The following PACSIN2 variants were observed in gnomAD, a reference collection of about 807,000 sequenced individuals.
PACSIN2 encodes the protein protein kinase C and casein kinase substrate in neurons 2, also known as protein kinase C and casein kinase substrate in neurons protein 2.
Under a neutral mutation model 63.8 loss-of-function variants are expected in PACSIN2, and 25 were observed. The ratio of observed to expected loss-of-function variants is 0.39; its 90% CI spans 0.29 to 0.55. PACSIN2 has a LOEUF of 0.55. Ranked by LOEUF, PACSIN2 falls within the 20% of genes least tolerant of loss-of-function variation. The pLI, the probability that PACSIN2 is intolerant of heterozygous loss-of-function variation, is 0.62. For synonymous variants in PACSIN2, 255 were observed against 256.2 expected (o/e 1.00, Z 0.05); for missense variants, 518 against 646.9 (o/e 0.80, Z 2.16).
At chr22:42,987,434 C>T (rs1443429783) in intron 1 of PACSIN2, among the ~76,000 whole-genome samples, 1 of 142,276 alleles carries the variant, frequency 7.0e-6, no homozygotes, top group East Asian at 2.2e-4. Flanking sequence ...GACACCCCAC[C>T]CTGAGTCCAG....
Position 42,981,352 on chromosome 22 carries a change from T to TG in PACSIN2, c.-78+33668dup, listed in dbSNP as rs1226747868. On this transcript the variant is annotated intron_variant, in intron 1 of 10. Coordinates refer to ENST00000263246, the MANE Select transcript of PACSIN2 (RefSeq NM_001184970.3). Reference sequence around the variant, plus strand: ...GCAGCCACCCCGTCCGGGAGGGAGGTGGGGGGGGTCAGCCCCCCGCCCGAC... The same window carrying TG: ...GCAGCCACCCCGTCCGGGAGGGAGGTGGGGGGGGGTCAGCCCCCCGCCCGAC... 6.4e-4 allele frequency among the ~76,000 whole-genome samples: 84 copies of TG among 130,720 alleles called. 2 individuals are homozygous for TG. Among genetic ancestry groups the TG allele is most frequent in the African/African-American group, 1.4e-3 (47 of 32,898 alleles). 85.8% of individuals were successfully genotyped at this position (130,720 alleles called of 152,430 possible).
chr22:43,002,163 T>C (rs1266098642), intron 1 of PACSIN2: 1 of 152,168 alleles, frequency 6.6e-6, no homozygotes, highest in Non-Finnish European at 1.5e-5. Context: ...GGAACCCCCA[T>C]GAGAGCAGCA....
At chr22:42,894,250 G>T (rs78108805) in intron 2 of PACSIN2, among the ~76,000 whole-genome samples, 3 of 148,920 alleles carry the variant, frequency 2.0e-5, no homozygotes, top group African/African-American at 4.9e-5. Flanking sequence ...GAAGGCAATT[G>T]TTTTTTTTTT....
intron 6 of PACSIN2, among the ~76,000 whole-genome samples, chr22:42,882,764 C>T (rs528294326): frequency 2.2e-4 from 34 of 152,322 alleles, no homozygotes; most frequent in Non-Finnish European, 4.4e-4. Flanking sequence ...ACCACCAAGA[C>T]GGGGTGGGGG....
intron 1 of PACSIN2, among the ~76,000 whole-genome samples, chr22:42,981,571 G>T: frequency 8.2e-6 from 1 of 122,072 alleles, no homozygotes; most frequent in Non-Finnish European, 1.7e-5. Context: ...GGAGGTGAGG[G>T]GCGCCTCTGC....
intron 2 of PACSIN2, among the ~76,000 whole-genome samples, chr22:42,902,592 C>T (rs181990223): frequency 3.9e-5 from 6 of 152,026 alleles, no homozygotes; most frequent in Admixed American, 3.9e-4. Flanking sequence ...AACTCATGAT[C>T]CTTTATCTGT....
chr22:42,917,980 C>T (rs1052917099), intron 1 of PACSIN2, among the ~76,000 whole-genome samples: 2 of 152,068 alleles, frequency 1.3e-5, no homozygotes, highest in African/African-American at 2.4e-5. Context: ...ACACTCAGTC[C>T]CAGGGCAACT....
intron 4 of PACSIN2, among the ~76,000 whole-genome samples, chr22:42,889,869 G>A (rs537374282): frequency 2.0e-5 from 3 of 151,658 alleles, no homozygotes; most frequent in Non-Finnish European, 2.9e-5. Context: ...AAAAACCTAT[G>A]CAAGAGAAAG....
chr22:42,997,473 G>T (rs1050076030), intron 1 of PACSIN2, among the ~76,000 whole-genome samples: 2 of 151,774 alleles, frequency 1.3e-5, no homozygotes, highest in African/African-American at 4.8e-5. Flanking sequence ...CAGGAGAATC[G>T]CTTGAACCCG....
rs1555943674 is a variant in PACSIN2, at chr22:42,982,887, A to AAC, written c.-78+32133_-78+32134insGT. Among the ~76,000 whole-genome samples the AAC allele has an allele frequency of 4.5e-4, 58 of 129,496 alleles. 2 individuals are homozygous for AAC. The highest frequency in any genetic ancestry group is 9.2e-4 in the Non-Finnish European group (54 of 58,786). 85.0% of individuals were successfully genotyped at this position (129,496 alleles called of 152,430 possible). On this transcript the variant is annotated intron_variant, in intron 1 of 10. Transcript: ENST00000263246. ...TGATCAATAAAAAAAAAAAAAAAAA[A>AAC]AAACAACAACAAGGCTAGGAGCAGT...
At chr22:42,957,290 C>T (rs1933954374) in intron 1 of PACSIN2, among the ~76,000 whole-genome samples, 2 of 152,204 alleles carry the variant, frequency 1.3e-5, no homozygotes, top group Non-Finnish European at 2.9e-5. Flanking sequence ...AATTCAACTT[C>T]AAATACAATT....
intron 1 of PACSIN2, among the ~76,000 whole-genome samples, chr22:42,966,971 A>C (rs1212540201): frequency 6.6e-6 from 1 of 152,152 alleles, no homozygotes; most frequent in Non-Finnish European, 1.5e-5. Flanking sequence ...TCTGACAAAT[A>C]TTTTTCAGCA....
At chr22:42,885,981 C>A (rs927019251) in intron 5 of PACSIN2, among the ~76,000 whole-genome samples, 1 of 152,224 alleles carries the variant, frequency 6.6e-6, no homozygotes, top group African/African-American at 2.4e-5. Context: ...AAGCCCAAGA[C>A]ACATAGCTGT....
intron 1 of PACSIN2, among the ~76,000 whole-genome samples, chr22:42,918,774 T>C (rs1931972709): frequency 6.6e-6 from 1 of 152,156 alleles, no homozygotes; most frequent in African/African-American, 2.4e-5. Flanking sequence ...GCTTCCACAT[T>C]GACCCTGATC....
rs186886478 is a variant in PACSIN2 at position 42,967,802 on chromosome 22, G to C, written c.-78+47219C>G. 4.0e-3 allele frequency among the ~76,000 whole-genome samples: 602 copies of C among 152,226 alleles called. 4 individuals are homozygous for C. The highest frequency in any genetic ancestry group is 0.014 in the African/African-American group (583 of 41,536). On this transcript the variant is annotated intron_variant, in intron 1 of 10. Coordinates refer to ENST00000263246, the MANE Select transcript of PACSIN2 (RefSeq NM_001184970.3). ...ACTTGGGAGGCTGAGGCAGGAGAAT[G>C]GCATGAACCCGGGAGGCAGAGTTTG...
At chr22:43,006,876 G>C (rs752082209) in intron 1 of PACSIN2, among the ~76,000 whole-genome samples, 2 of 152,152 alleles carry the variant, frequency 1.3e-5, no homozygotes, top group Non-Finnish European at 2.9e-5. Context: ...AACCAAACAC[G>C]TAAATGCAGG....
At chr22:42,952,111 T>C (rs1428486355) in intron 1 of PACSIN2, among the ~76,000 whole-genome samples, 1 of 152,208 alleles carries the variant, frequency 6.6e-6, no homozygotes, top group East Asian at 1.9e-4. Flanking sequence ...CAAATTATCT[T>C]TTCTCTCTCC....
rs867678026 is a variant in PACSIN2 at position 42,912,102 on chromosome 22, A to G, written c.-22T>C. ...ACATTTTTTCAAAGGCTGAGGGAGCAGCAAAGTATACTTAGTCAGGGGTCA... is the reference window on the plus strand; with the variant it reads ...ACATTTTTTCAAAGGCTGAGGGAGCGGCAAAGTATACTTAGTCAGGGGTCA... On this transcript the variant is annotated 5_prime_UTR_variant, in exon 2 of 11. Coordinates refer to ENST00000263246, the MANE Select transcript of PACSIN2 (RefSeq NM_001184970.3). 6.4e-7 allele frequency: 1 copy of G among 1,573,554 alleles called. No homozygotes were observed. Among genetic ancestry groups the G allele is most frequent in the Non-Finnish European group, 8.6e-7 (1 of 1,159,344 alleles).
At chr22:42,981,833 GC>G (rs1279837846) in intron 1 of PACSIN2, among the ~76,000 whole-genome samples, 1 of 121,510 alleles carries the variant, frequency 8.2e-6, no homozygotes, top group Non-Finnish European at 1.8e-5. Context: ...TGGGGGGTCA[GC>G]CCCCCGCCCG....
Sources: allele counts gnomAD v4.1 joint callset (sites outside exome capture counted in the v4.1 genomes callset), GRCh38; gene constraint gnomAD v4.1.1; transcripts MANE v1.5; gene names NCBI Gene and HGNC (gene_info 2026-07-23, HGNC 2026-07-21).